The following CNTNAP5 variants were observed in gnomAD, a reference collection of about 807,000 sequenced individuals.
The protein encoded by CNTNAP5 is contactin associated protein family member 5.
In CNTNAP5, 72 loss-of-function variants were observed where a neutral mutation model predicts 150.2. The observed-to-expected ratio is 0.48, with a 90% confidence interval of 0.40 to 0.58. CNTNAP5 has a LOEUF of 0.58. CNTNAP5 is among the 20% of genes least tolerant of loss of function. The pLI is 0.00. For missense variants in CNTNAP5, 1,636 were observed against 1,626.2 expected (o/e 1.01, Z -0.10); for synonymous variants, 672 against 619.8 (o/e 1.08, Z -1.25).
intron 3 of CNTNAP5, among the ~76,000 whole-genome samples, chr2:124,323,208 A>G (rs1689140400): frequency 6.6e-6 from 1 of 152,174 alleles, no homozygotes; most frequent in Non-Finnish European, 1.5e-5. Context: ...CAGAGGAGGA[A>G]TTTGATCAGG....
intron 10 of CNTNAP5, among the ~76,000 whole-genome samples, chr2:124,544,336 A>T (rs1378017769): frequency 6.6e-6 from 1 of 152,216 alleles, no homozygotes; most frequent in African/African-American, 2.4e-5. Context: ...AATTTTAGCT[A>T]AAGAACTAAA....
rs781398915 is a variant in CNTNAP5, at chr2:124,196,069, AGT to A, written c.83-25635_83-25634del. Among the ~76,000 whole-genome samples, 470 of 151,802 alleles carry A rather than the reference AGT, an allele frequency of 3.1e-3. 1 individual carries two copies. The highest frequency in any genetic ancestry group is 3.7e-3 in the Non-Finnish European group (248 of 67,906). ...TAAATGATACCAGGTAAAAAATAGC[AGT>A]TTTTTTTTTCTTGATCAGGATGTAA... On this transcript the variant is annotated intron_variant, in intron 1 of 23. Transcript: ENST00000682447.
chr2:124,391,895 G>T (rs1245025475), intron 3 of CNTNAP5, among the ~76,000 whole-genome samples: 2 of 152,158 alleles, frequency 1.3e-5, no homozygotes, highest in Non-Finnish European at 2.9e-5. Flanking sequence ...AGCGGAGCTT[G>T]CAGTGAGCCG....
At chr2:124,086,859 T>A (rs1224789186) in intron 1 of CNTNAP5, among the ~76,000 whole-genome samples, 2 of 151,698 alleles carry the variant, frequency 1.3e-5, no homozygotes, top group African/African-American at 4.9e-5. Context: ...GTTTTCTGTG[T>A]GCTGTTTGTC....
intron 10 of CNTNAP5, among the ~76,000 whole-genome samples, chr2:124,538,527 A>AGAAAGAAG (rs1361553767): frequency 6.6e-6 from 1 of 151,456 alleles, no homozygotes; most frequent in African/African-American, 2.4e-5. Flanking sequence ...AAAGAAAGAA[A>AGAAAGAAG]GAAGGAAAGA....
chr2:124,847,265 C>G (rs1291393757), intron 19 of CNTNAP5, among the ~76,000 whole-genome samples: 4 of 152,128 alleles, frequency 2.6e-5, no homozygotes, highest in Non-Finnish European at 4.4e-5. Context: ...AGTTCAGCCT[C>G]TCTTTGGGCA....
At chr2:124,725,013 TGG>T in intron 13 of CNTNAP5, among the ~76,000 whole-genome samples, 1 of 151,614 alleles carries the variant, frequency 6.6e-6, no homozygotes, top group African/African-American at 2.4e-5. Context: ...ACTGACTTTT[TGG>T]AGGGTAGTCT....
At chr2:124,585,669 C>CTTTTTTTTTTTT (rs33978614) in intron 11 of CNTNAP5, among the ~76,000 whole-genome samples, 6 of 66,406 alleles carry the variant, frequency 9.0e-5, no homozygotes, top group Admixed American at 1.9e-4. Context: ...GAGCTTGAAG[C>CTTTTTTTTTTTT]TTTTTTTTTT....
At chr2:124,709,217 G>T (rs994468880) in intron 13 of CNTNAP5, among the ~76,000 whole-genome samples, 2 of 137,600 alleles carry the variant, frequency 1.5e-5, no homozygotes, top group Non-Finnish European at 3.2e-5. Context: ...GGGAGGGAGG[G>T]TGTGTGTGTG....
intron 3 of CNTNAP5, among the ~76,000 whole-genome samples, chr2:124,284,306 A>G (rs1352754576): frequency 6.6e-6 from 1 of 152,186 alleles, no homozygotes; most frequent in African/African-American, 2.4e-5. Context: ...CTGGGGAACC[A>G]TTTCTAGATG....
At chr2:124,282,172 G>A (rs1464099549) in intron 3 of CNTNAP5, among the ~76,000 whole-genome samples, 1 of 152,076 alleles carries the variant, frequency 6.6e-6, no homozygotes, top group Non-Finnish European at 1.5e-5. Context: ...AAAACAAAGG[G>A]CTTTGAAATC....
intron 1 of CNTNAP5, among the ~76,000 whole-genome samples, chr2:124,128,389 C>A (rs1440607376): frequency 6.6e-6 from 1 of 151,906 alleles, no homozygotes; most frequent in Non-Finnish European, 1.5e-5. Context: ...TTAGAATGGC[C>A]ATCATTAAAA....
At chr2:124,165,390 T>G (rs974999657) in intron 1 of CNTNAP5, among the ~76,000 whole-genome samples, 1 of 152,192 alleles carries the variant, frequency 6.6e-6, no homozygotes, top group African/African-American at 2.4e-5. Context: ...TGGATGCAAT[T>G]TAGTAGCTGC....
chr2:124,576,819 T>G (rs1350869420), intron 11 of CNTNAP5, among the ~76,000 whole-genome samples: 1 of 152,146 alleles, frequency 6.6e-6, no homozygotes, highest in East Asian at 1.9e-4. Flanking sequence ...AATAAGAGAT[T>G]ATGCTTAGAG....
At chr2:124,669,098 G>A (rs1678757436) in intron 13 of CNTNAP5, among the ~76,000 whole-genome samples, 1 of 152,076 alleles carries the variant, frequency 6.6e-6, no homozygotes, top group Admixed American at 6.6e-5. Context: ...CCCTTTTTAT[G>A]TGGTTCATAT....
chr2:124,828,133 A>T (rs1485826203), intron 19 of CNTNAP5, among the ~76,000 whole-genome samples: 1 of 152,152 alleles, frequency 6.6e-6, no homozygotes, highest in Non-Finnish European at 1.5e-5. Context: ...TTAATCTCTC[A>T]AAGACTTTTT....
chr2:124,088,578 CTT>C (rs138528486), intron 1 of CNTNAP5, among the ~76,000 whole-genome samples: 8 of 146,094 alleles, frequency 5.5e-5, no homozygotes, highest in Non-Finnish European at 7.5e-5. Context: ...TTTTAACTGG[CTT>C]TTTTTTTTTA....
chr2:124,050,209 T>C (rs1681655871), intron 1 of CNTNAP5, among the ~76,000 whole-genome samples: 1 of 152,180 alleles, frequency 6.6e-6, no homozygotes, highest in Non-Finnish European at 1.5e-5. Context: ...ATGCCTGTAA[T>C]CCCAGTAATT....
chr2:124,370,196 A>G (rs149729894), intron 3 of CNTNAP5, among the ~76,000 whole-genome samples: 211 of 152,330 alleles, frequency 1.4e-3, no homozygotes, highest in Middle Eastern at 6.8e-3. Flanking sequence ...GAAAAACTGC[A>G]AAACTAAAGC....
Sources: gnomAD v4.1 joint callset for allele counts (sites outside exome capture counted in the v4.1 genomes callset) on GRCh38, gnomAD v4.1.1 for gene constraint, MANE v1.5 for transcripts, NCBI Gene and HGNC (gene_info 2026-07-23, HGNC 2026-07-21) for gene names.